FAM83E: variants seen among roughly 807,000 people sequenced by gnomAD.
FAM83E encodes scaffolding CK1 anchoring protein E.
In FAM83E, 29 loss-of-function variants were observed where a neutral mutation model predicts 34.3. The ratio of observed to expected loss-of-function variants is 0.85; its 90% CI spans 0.63 to 1.15. The LOEUF (loss-of-function observed/expected upper bound fraction) is 1.15. FAM83E is among the 50% of genes most tolerant of loss of function. The pLI, the probability that FAM83E is intolerant of heterozygous loss-of-function variation, is 0.00. For synonymous variants in FAM83E, 312 were observed against 311.6 expected (o/e 1.00, Z -0.01); for missense variants, 697 against 685.0 (o/e 1.02, Z -0.20).
At chr19:48,612,087 A>T (rs565860472) in intron 3 of FAM83E, among the ~76,000 whole-genome samples, 5 of 152,254 alleles carry the variant, frequency 3.3e-5, no homozygotes, top group African/African-American at 1.2e-4. Context: ...CAGGGAAGAG[A>T]TTTAACCGCC....
Position 48,601,131 on chromosome 19 carries a change from G to C in FAM83E, c.1415C>G (p.Ala472Gly), listed in dbSNP as rs779332698. The C allele has an allele frequency of 6.2e-7, 1 of 1,612,386 alleles. No homozygotes were observed. The highest frequency in any genetic ancestry group is 1.3e-5 in the African/African-American group (1 of 74,882). The change falls in exon 7 of 7, where the codon GCA (alanine) becomes GGA (glycine). Residue 472 changes from alanine (A) to glycine (G), a missense_variant. By Grantham distance (60) the Ala-to-Gly change is moderately conservative (BLOSUM62 0). Transcript: ENST00000263266. ...TGTTCAGGGTTGCCCCCCAAGTCCT[G>C]CCCGGGGGGCCCAGTCTGACGGCCT... ...GVRPSDWAPRAGLGGQP is the reference protein window; with the variant it reads ...GVRPSDWAPRGGLGGQP
At chr19:48,607,330 C>G in intron 5 of FAM83E, 1 of 1,593,346 alleles carries the variant, frequency 6.3e-7, no homozygotes, top group African/African-American at 1.3e-5. Context: ...GCTGGGTATG[C>G]TGCTTCCTCC....
In FAM83E at chr19:48,600,447, C is replaced by T. The variant is rs571952548; in HGVS notation, c.*662G>A. On this transcript the variant is annotated 3_prime_UTR_variant, in exon 7 of 7. Transcript: ENST00000263266. ...GCCTCCCGGGTTCAAGCAATTCTCC[C>T]GTCTCAGCCTCCTAAGTAGCTGGGA... 2.1e-4 allele frequency among the ~76,000 whole-genome samples: 32 copies of T among 152,116 alleles called. No homozygotes were observed. Among genetic ancestry groups the T allele is most frequent in the African/African-American group, 7.7e-4 (32 of 41,502 alleles).
At chr19:48,604,882 T>A (rs189735453) in intron 5 of FAM83E, among the ~76,000 whole-genome samples, 1 of 151,606 alleles carries the variant, frequency 6.6e-6, no homozygotes, top group African/African-American at 2.4e-5. Context: ...TAGCTGGGTA[T>A]GGTGGCACAT....
Position 48,614,140 on chromosome 19 carries a change from C to T in FAM83E, c.-768G>A, listed in dbSNP as rs867838007. ...CCTTAAAGGCCGAAGGCTTGGCAAA[C>T]CCTTCCCTACCCTGTCAATGGGGGA... On this transcript the variant is annotated 5_prime_UTR_variant, in exon 3 of 7. Transcript: ENST00000263266. 33 of 985,678 alleles carry T rather than the reference C, an allele frequency of 3.3e-5. No homozygotes were observed. The highest frequency in any genetic ancestry group is 5.2e-4 in the Middle Eastern group (1 of 1,940). 61.1% of individuals were successfully genotyped at this position (985,678 alleles called of 1,614,324 possible).
Position 48,600,625 on chromosome 19 carries a change from C to T in FAM83E, c.*484G>A, listed in dbSNP as rs1022337643. ...CTGGGATTACAGGAGTGAGCCACCTCGATCAGCCTTTCTTTTTCTTTTTTC... is the reference window on the plus strand; with the variant it reads ...CTGGGATTACAGGAGTGAGCCACCTTGATCAGCCTTTCTTTTTCTTTTTTC... On this transcript the variant is annotated 3_prime_UTR_variant, in exon 7 of 7. Coordinates refer to ENST00000263266, the MANE Select transcript of FAM83E (RefSeq NM_017708.4). Among the ~76,000 whole-genome samples, 1 of 150,756 alleles carries T rather than the reference C, an allele frequency of 6.6e-6. No individual in the cohort carries two copies. The highest frequency in any genetic ancestry group is 1.5e-5 in the Non-Finnish European group (1 of 67,680).
intron 3 of FAM83E, among the ~76,000 whole-genome samples, chr19:48,611,236 TCAGCTCA>T (rs1367169477): frequency 1.3e-5 from 2 of 150,908 alleles, no homozygotes; most frequent in Admixed American, 1.3e-4. Context: ...GGGCGCAATC[TCAGCTCA>T]CTGCAAACTC....
chr19:48,604,142 T>C lies in FAM83E; in HGVS notation c.759-231A>G, dbSNP rs79391025. ...TATAATCAGGGCCAGGTGTGGTGAC[T>C]CACACTTTGGGAGGCTGAGGCAGGA... On this transcript the variant is annotated intron_variant, in intron 5 of 6. Coordinates refer to ENST00000263266, the MANE Select transcript of FAM83E (RefSeq NM_017708.4). Among the ~76,000 whole-genome samples the C allele has an allele frequency of 4.2e-3, 639 of 151,920 alleles. 29 individuals carry two copies. The East Asian group carries it at 0.085, about 20-fold the overall frequency.
At chr19:48,601,689 C>T (rs538976688) in intron 6 of FAM83E, among the ~76,000 whole-genome samples, 1 of 151,436 alleles carries the variant, frequency 6.6e-6, no homozygotes, top group Non-Finnish European at 1.5e-5. Flanking sequence ...CGCTTGAACC[C>T]GGAAGGGAGA....
In FAM83E at chr19:48,610,746, G is replaced by A. The variant is rs542101199; in HGVS notation, c.567C>T (p.Asp189=). 16 of 1,587,452 alleles carry A rather than the reference G, an allele frequency of 1.0e-5. No homozygotes were observed. The South Asian group carries it at 1.8e-4, about 18-fold the overall frequency. The change falls in exon 4 of 7, where the codon GAC becomes GAT. Residue 189 remains aspartate (D), a synonymous_variant. Coordinates refer to ENST00000263266, the MANE Select transcript of FAM83E (RefSeq NM_017708.4). ...CCAGGAAGGCAGGCAGCTGCTGGCG[G>A]TCCAGGAGCAGGTAGACAGGTACCC... ...RRWVPVYLLL[D]RQQLPAFLEL...
At position 48,614,013 on chromosome 19, in the gene FAM83E, C is replaced by G. The variant is rs115707567; in HGVS notation, c.-641G>C. On this transcript the variant is annotated 5_prime_UTR_variant, in exon 3 of 7. Transcript: ENST00000263266. ...TCACAGTATCTGCCTGTTGGAGCAT[C>G]TGTCTCTGGCCAAATCTGACAGCCC... 486 of 985,346 alleles carry G rather than the reference C, an allele frequency of 4.9e-4. 1 individual carries two copies. The highest frequency in any genetic ancestry group is 4.5e-3 in the African/African-American group (258 of 57,370). The allele number at this position is 985,346 out of a possible 1,614,324, so 61.0% of individuals were successfully genotyped here.
chr19:48,609,000 C>T (rs1273115605), intron 5 of FAM83E, among the ~76,000 whole-genome samples: 1 of 152,112 alleles, frequency 6.6e-6, no homozygotes, highest in Non-Finnish European at 1.5e-5. Flanking sequence ...GCTCCTAAAA[C>T]AAAGACTTAC....
intron 1 of FAM83E, 35 bp downstream of exon 1, chr19:48,614,902 G>A (rs954961400): frequency 3.4e-6 from 2 of 592,696 alleles, no homozygotes; most frequent in East Asian, 1.4e-4. Context: ...GCCCCTGGAG[G>A]AGGTCCGGGG....
intron 5 of FAM83E, among the ~76,000 whole-genome samples, chr19:48,608,417 T>C (rs968064110): frequency 1.3e-5 from 2 of 149,204 alleles, no homozygotes; most frequent in Non-Finnish European, 3.0e-5. Flanking sequence ...CTGGCCTTTT[T>C]CCGTTTTCTT....
At chr19:48,610,398 C>CAAAAAAA (rs71179016) in intron 4 of FAM83E, among the ~76,000 whole-genome samples, 5 of 31,360 alleles carry the variant, frequency 1.6e-4, no homozygotes, top group Admixed American at 3.2e-4. Context: ...CACTCCGTCT[C>CAAAAAAA]AAAAAAAAAA....
intron 6 of FAM83E, among the ~76,000 whole-genome samples, chr19:48,602,492 C>G (rs1406435574): frequency 6.7e-6 from 1 of 150,298 alleles, no homozygotes; most frequent in Non-Finnish European, 1.5e-5. Flanking sequence ...GAACCGGAAG[C>G]GCCGGCATCT....
rs1264881603 is a variant in FAM83E at position 48,600,399 on chromosome 19, G to A, written c.*710C>T. Among the ~76,000 whole-genome samples the A allele has an allele frequency of 6.6e-6, 1 of 152,192 alleles. No individual in the cohort carries two copies. The highest frequency in any genetic ancestry group is 1.5e-5 in the Non-Finnish European group (1 of 68,028). On this transcript the variant is annotated 3_prime_UTR_variant, in exon 7 of 7. Coordinates refer to ENST00000263266, the MANE Select transcript of FAM83E (RefSeq NM_017708.4). ...CACCCAGGCTGGAGTGCAGTGGCGTGATCTCAGCTCACTGCAACCTCCGCC... is the reference window on the plus strand; with the variant it reads ...CACCCAGGCTGGAGTGCAGTGGCGTAATCTCAGCTCACTGCAACCTCCGCC...
chr19:48,614,403 C>G lies in FAM83E; in HGVS notation c.-1031G>C, dbSNP rs1321064437. 1.5e-5 allele frequency: 15 copies of G among 985,484 alleles called. No individual in the cohort carries two copies. Among genetic ancestry groups the G allele is most frequent in the Middle Eastern group, 1.0e-3 (2 of 1,934 alleles). The allele number at this position is 985,484 out of a possible 1,614,324, so 61.0% of individuals were successfully genotyped here. On this transcript the variant is annotated 5_prime_UTR_variant, in exon 3 of 7. Transcript: ENST00000263266. ...GGAGCCCTACCCAAGCTGCCCCCAGCCTGGTTTCTGCCTAAATGCTATCTC... is the reference window on the plus strand; with the variant it reads ...GGAGCCCTACCCAAGCTGCCCCCAGGCTGGTTTCTGCCTAAATGCTATCTC...
At position 48,610,005 on chromosome 19, in the gene FAM83E, T is replaced by TG; in HGVS notation, c.634-6dup. On this transcript the variant is annotated splice_region_variant and splice_polypyrimidine_tract_variant and intron_variant, in intron 4 of 6. Transcript: ENST00000263266. Reference sequence around the variant, plus strand: ...CACGACACGGACATCCACGTTCTGTTGGTGTGGGGAGTGGAGGGTACACCC... The same window carrying TG: ...CACGACACGGACATCCACGTTCTGTTGGGTGTGGGGAGTGGAGGGTACACCC... 6.2e-7 allele frequency: 1 copy of TG among 1,610,886 alleles called. No homozygotes were observed. The highest frequency in any genetic ancestry group is 8.5e-7 in the Non-Finnish European group (1 of 1,179,914).
Sources: allele counts gnomAD v4.1 joint callset (sites outside exome capture counted in the v4.1 genomes callset), GRCh38; gene constraint gnomAD v4.1.1; transcripts MANE v1.5; gene names NCBI Gene and HGNC (gene_info 2026-07-23, HGNC 2026-07-21).